Variants in BCAT1 observed in about 807,000 individuals in gnomAD.
The protein encoded by BCAT1 is branched-chain-amino-acid aminotransferase, cytosolic.
In BCAT1, 48 loss-of-function variants were observed where a neutral mutation model predicts 52.4. The observed-to-expected ratio is 0.92, with a 90% confidence interval of 0.73 to 1.16. BCAT1 has a LOEUF of 1.16. Ranked by LOEUF, BCAT1 falls within the 50% of genes most tolerant of loss-of-function variation. BCAT1 has a pLI of 0.00. For synonymous variants in BCAT1, 167 were observed against 161.3 expected, an observed-to-expected ratio of 1.04 and a Z score of -0.27; for missense variants, 451 against 457.1, an observed-to-expected ratio of 0.99 and a Z score of 0.12.
rs182969506 is a variant in BCAT1, at chr12:24,847,553, C to T, written c.674+2233G>A. On this transcript the variant is annotated intron_variant, in intron 6 of 10. Transcript: ENST00000261192. Reference sequence around the variant, plus strand: ...CAGAATGCAAGGAAAAAAGAAAAAACTAAGAGAGATAATTTGTGTGTGTGT... The same window carrying T: ...CAGAATGCAAGGAAAAAAGAAAAAATTAAGAGAGATAATTTGTGTGTGTGT... Among the ~76,000 whole-genome samples the T allele has an allele frequency of 2.6e-5, 4 of 152,052 alleles. No individual in the cohort carries two copies. In the East Asian group the frequency reaches 7.7e-4, roughly 29 times the overall value.
At chr12:24,846,967 A>G (rs1807580986) in intron 6 of BCAT1, among the ~76,000 whole-genome samples, 2 of 152,218 alleles carry the variant, frequency 1.3e-5, no homozygotes, top group Admixed American at 1.3e-4. Flanking sequence ...TCTCACAGAT[A>G]GTTAAGTGTG....
intron 10 of BCAT1, among the ~76,000 whole-genome samples, chr12:24,820,033 G>T (rs960061759): frequency 2.0e-5 from 3 of 152,132 alleles, no homozygotes; most frequent in Non-Finnish European, 2.9e-5. Flanking sequence ...CAGTTCATTG[G>T]CATTTTAGCA....
chr12:24,899,714 G>A (rs1943043799), intron 2 of BCAT1, among the ~76,000 whole-genome samples: 1 of 151,592 alleles, frequency 6.6e-6, no homozygotes, highest in East Asian at 1.9e-4. Flanking sequence ...GTAAAATCGT[G>A]TCATTTGTAG....
chr12:24,923,295 T>C (rs1459753502), intron 1 of BCAT1, among the ~76,000 whole-genome samples: 2 of 152,176 alleles, frequency 1.3e-5, no homozygotes, highest in Admixed American at 1.3e-4. Flanking sequence ...ACTAGCAGCC[T>C]CAGGCCTGCT....
intron 1 of BCAT1, among the ~76,000 whole-genome samples, chr12:24,921,827 CCT>C (rs1334031269): frequency 6.6e-6 from 1 of 152,182 alleles, no homozygotes; most frequent in Non-Finnish European, 1.5e-5. Flanking sequence ...TCCTTCCTCA[CCT>C]CTGTCATTTT....
chr12:24,895,491 A>G (rs973249499), intron 2 of BCAT1, among the ~76,000 whole-genome samples: 4 of 151,386 alleles, frequency 2.6e-5, no homozygotes, highest in Non-Finnish European at 5.9e-5. Context: ...GCACCACTGC[A>G]CTCCAGCCTG....
chr12:24,908,908 A>G (rs2139697792), intron 1 of BCAT1, among the ~76,000 whole-genome samples: 1 of 152,238 alleles, frequency 6.6e-6, no homozygotes, highest in African/African-American at 2.4e-5. Flanking sequence ...ACCTCTTTTG[A>G]GTCTCATATT....
chr12:24,924,441 GCGACCAC>G (rs1457496340), intron 1 of BCAT1, among the ~76,000 whole-genome samples: 1 of 152,086 alleles, frequency 6.6e-6, no homozygotes, highest in Non-Finnish European at 1.5e-5. Context: ...AGAAATGGTG[GCGACCAC>G]CTTCACCAGC....
chr12:24,943,170 T>C (rs1943873234), intron 1 of BCAT1, among the ~76,000 whole-genome samples: 1 of 152,284 alleles, frequency 6.6e-6, no homozygotes, highest in Middle Eastern at 3.4e-3. Context: ...GTTTGCACAT[T>C]TTGCAAAAGA....
chr12:24,820,118 A>AT (rs1490935878), intron 10 of BCAT1, among the ~76,000 whole-genome samples: 1 of 152,186 alleles, frequency 6.6e-6, no homozygotes, highest in Non-Finnish European at 1.5e-5. Context: ...TTTGCTTTCA[A>AT]TTAGTTGTTT....
intron 10 of BCAT1, among the ~76,000 whole-genome samples, chr12:24,821,569 C>A (rs1258117749): frequency 6.6e-6 from 1 of 152,152 alleles, no homozygotes; most frequent in South Asian, 2.1e-4. Flanking sequence ...CATCTCTTCT[C>A]GGAATGTGTT....
intron 1 of BCAT1, chr12:24,902,089 G>T: frequency 6.8e-7 from 1 of 1,479,128 alleles, no homozygotes; most frequent in Non-Finnish European, 8.9e-7. Flanking sequence ...TTCCCACCCT[G>T]CCGGGGTCGC....
intron 5 of BCAT1, among the ~76,000 whole-genome samples, chr12:24,877,093 C>T (rs369970970): frequency 1.3e-5 from 2 of 152,312 alleles, no homozygotes; most frequent in East Asian, 1.9e-4. Context: ...CCTTACACGG[C>T]TTTCGAAAGG....
At chr12:24,822,949 C>T (rs1319840022) in intron 10 of BCAT1, among the ~76,000 whole-genome samples, 1 of 151,812 alleles carries the variant, frequency 6.6e-6, no homozygotes, top group African/African-American at 2.4e-5. Context: ...GTTTTTTCCC[C>T]GTCTCCCATC....
intron 5 of BCAT1, among the ~76,000 whole-genome samples, chr12:24,872,753 G>T (rs1942215693): frequency 6.6e-6 from 1 of 152,236 alleles, no homozygotes; most frequent in Non-Finnish European, 1.5e-5. Flanking sequence ...GCTAACTCCT[G>T]ACAGTTTCCA....
chr12:24,841,740 TA>T (rs34990218), intron 7 of BCAT1, among the ~76,000 whole-genome samples: 86 of 145,020 alleles, frequency 5.9e-4, no homozygotes, highest in South Asian at 1.3e-3. Flanking sequence ...CTATCTCTAC[TA>T]AAAAAAAAAA....
In BCAT1 at chr12:24,949,063, C is replaced by T. The variant is rs761232659; in HGVS notation, c.-131G>A. ...GGCTGCAGCAAGACCTGGGGCAGTG[C>T]CCGAGGCGGCGGCGAGTACACGTGG... On this transcript the variant is annotated 5_prime_UTR_variant, in exon 1 of 11. Coordinates refer to ENST00000261192, the MANE Select transcript of BCAT1 (RefSeq NM_005504.7). The T allele has an allele frequency of 5.7e-6, 5 of 883,388 alleles. No homozygotes were observed. Among genetic ancestry groups the T allele is most frequent in the Non-Finnish European group, 8.7e-6 (5 of 574,960 alleles). The allele number at this position is 883,388 out of a possible 1,614,324, so 54.7% of individuals were successfully genotyped here.
At chr12:24,854,207 G>A (rs971198145) in intron 5 of BCAT1, among the ~76,000 whole-genome samples, 6 of 152,262 alleles carry the variant, frequency 3.9e-5, no homozygotes, top group East Asian at 3.9e-4. Flanking sequence ...TTTGAATGAC[G>A]GCAGGAAAGA....
intron 1 of BCAT1, among the ~76,000 whole-genome samples, chr12:24,907,886 A>T (rs1447852578): frequency 6.6e-6 from 1 of 152,160 alleles, no homozygotes; most frequent in Non-Finnish European, 1.5e-5. Context: ...GTGATTAAAA[A>T]GCTTTATTGC....
Sources: gnomAD v4.1 joint callset for allele counts (sites outside exome capture counted in the v4.1 genomes callset) on GRCh38, gnomAD v4.1.1 for gene constraint, MANE v1.5 for transcripts, NCBI Gene and HGNC (gene_info 2026-07-23, HGNC 2026-07-21) for gene names.